The following AKR1C8 variants were observed in gnomAD, a reference collection of about 807,000 sequenced individuals.
The protein encoded by AKR1C8 is aldo-keto reductase family 1 member C8.
chr10:5,176,933 A>T, the AKR1C8 span, among the ~76,000 whole-genome samples: 2 of 152,150 alleles, frequency 1.3e-5, no homozygotes, highest in East Asian at 3.9e-4. Context: ...AACAGGGATA[A>T]TTTGACTTCC....
chr10:5,144,624 C>A, the AKR1C8 span, among the ~76,000 whole-genome samples: 1 of 151,810 alleles, frequency 6.6e-6, no homozygotes, highest in Non-Finnish European at 1.5e-5. Context: ...GTATTTTATT[C>A]TCTTTGAAGC....
At chr10:5,150,979 G>A in the AKR1C8 span, among the ~76,000 whole-genome samples, 7 of 152,122 alleles carry the variant, frequency 4.6e-5, no homozygotes, top group Non-Finnish European at 1.5e-5. Context: ...GAAGACTCAG[G>A]GGTTGGAATT....
chr10:5,129,025 T>G, the AKR1C8 span, among the ~76,000 whole-genome samples: 1 of 152,126 alleles, frequency 6.6e-6, no homozygotes, highest in Admixed American at 6.6e-5. Flanking sequence ...GACGATATGA[T>G]AGGCCACAAA....
chr10:5,161,746 T>C, the AKR1C8 span: 2 of 534,694 alleles, frequency 3.7e-6, no homozygotes, highest in Non-Finnish European at 7.7e-6. Flanking sequence ...CTCACTCAAA[T>C]CTGCCTCTCT....
At chr10:5,120,791 A>G in the AKR1C8 span, among the ~76,000 whole-genome samples, 4 of 152,160 alleles carry the variant, frequency 2.6e-5, no homozygotes, top group Non-Finnish European at 5.9e-5. Flanking sequence ...CTCTATTCTC[A>G]TAATTAAAAT....
At chr10:5,138,109 A>C in the AKR1C8 span, among the ~76,000 whole-genome samples, 1 of 151,584 alleles carries the variant, frequency 6.6e-6, no homozygotes, top group South Asian at 2.1e-4. Flanking sequence ...CATCTTACAC[A>C]ACAGAAAACA....
At chr10:5,132,998 T>C in the AKR1C8 span, among the ~76,000 whole-genome samples, 5 of 152,296 alleles carry the variant, frequency 3.3e-5, no homozygotes, top group Admixed American at 3.3e-4. Flanking sequence ...TCACTAGCAA[T>C]GAGTTTCCCA....
chr10:5,161,255 G>A, the AKR1C8 span, among the ~76,000 whole-genome samples: 1 of 151,764 alleles, frequency 6.6e-6, no homozygotes, highest in South Asian at 2.1e-4. Context: ...AAGCTGGTGT[G>A]GAGGACAGTG....
At chr10:5,142,241 G>T in the AKR1C8 span, among the ~76,000 whole-genome samples, 1 of 152,090 alleles carries the variant, frequency 6.6e-6, no homozygotes, top group Admixed American at 6.5e-5. Flanking sequence ...GTCTTCTTCT[G>T]GATTAGGCTT....
chr10:5,133,322 A>T, the AKR1C8 span, among the ~76,000 whole-genome samples: 1 of 152,058 alleles, frequency 6.6e-6, no homozygotes, highest in Non-Finnish European at 1.5e-5. Context: ...CAAGCTCCCA[A>T]ACTCAAGGGA....
At chr10:5,178,415 T>C in the AKR1C8 span, among the ~76,000 whole-genome samples, 6,321 of 152,328 alleles carry the variant, frequency 0.041, 202 homozygotes, top group Non-Finnish European at 0.062. Flanking sequence ...TGGTCAATTT[T>C]GGAATAGGTG....
the AKR1C8 span, among the ~76,000 whole-genome samples, chr10:5,169,318 T>C: frequency 6.6e-6 from 1 of 152,168 alleles, no homozygotes. Flanking sequence ...GGGTAATGTG[T>C]TGTTTCTCGC....
the AKR1C8 span, among the ~76,000 whole-genome samples, chr10:5,119,460 G>A: frequency 6.6e-6 from 1 of 152,040 alleles, no homozygotes; most frequent in Non-Finnish European, 1.5e-5. Flanking sequence ...ATTTGCATAG[G>A]AAAATTATGA....
At chr10:5,168,306 A>AC in the AKR1C8 span, among the ~76,000 whole-genome samples, 72 of 151,438 alleles carry the variant, frequency 4.8e-4, no homozygotes, top group African/African-American at 1.6e-3. Context: ...CAGAGAAATG[A>AC]CCCCCCAGAA....
chr10:5,146,147 A>G, the AKR1C8 span, among the ~76,000 whole-genome samples: 2 of 139,164 alleles, frequency 1.4e-5, no homozygotes, highest in African/African-American at 5.4e-5. Flanking sequence ...GAATTGAACA[A>G]TGAGGTCACA....
At chr10:5,122,783 T>A in the AKR1C8 span, among the ~76,000 whole-genome samples, 2 of 152,174 alleles carry the variant, frequency 1.3e-5, no homozygotes, top group Non-Finnish European at 2.9e-5. Context: ...GAAATGCTTT[T>A]TCTGGGGCAA....
chr10:5,149,541 G>T, the AKR1C8 span, among the ~76,000 whole-genome samples: 3 of 151,872 alleles, frequency 2.0e-5, no homozygotes, highest in African/African-American at 7.3e-5. Context: ...CTTTTTTGTG[G>T]TCTCAAAATA....
the AKR1C8 span, among the ~76,000 whole-genome samples, chr10:5,144,856 C>T: frequency 6.6e-6 from 1 of 152,152 alleles, no homozygotes; most frequent in Non-Finnish European, 1.5e-5. Flanking sequence ...ATTGACTACG[C>T]TTTATTTCTT....
At chr10:5,145,166 A>T in the AKR1C8 span, among the ~76,000 whole-genome samples, 3 of 151,892 alleles carry the variant, frequency 2.0e-5, no homozygotes, top group Non-Finnish European at 4.4e-5. Flanking sequence ...TATATACTGG[A>T]TTACATTTAT....
Sources: gnomAD v4.1 joint callset for allele counts (sites outside exome capture counted in the v4.1 genomes callset) on GRCh38, gnomAD v4.1.1 for gene constraint, MANE v1.5 for transcripts, NCBI Gene and HGNC (gene_info 2026-07-23, HGNC 2026-07-21) for gene names.